The following MMADHC variants were observed in gnomAD, a reference collection of about 807,000 sequenced individuals.
MMADHC encodes cobalamin trafficking protein CblD.
MMADHC carries 23 observed loss-of-function variants against 36.3 expected under a neutral mutation model. That is an observed-to-expected ratio of 0.63 (90% CI 0.46 to 0.90). MMADHC has a LOEUF of 0.90. Ranked by LOEUF, MMADHC falls within the 40% of genes least tolerant of loss-of-function variation. The pLI is 0.00. For missense variants in MMADHC, 330 were observed against 348.0 expected (o/e 0.95, Z 0.41); for synonymous variants, 97 against 116.1 (o/e 0.84, Z 1.06).
At position 149,582,126 on chromosome 2, in the gene MMADHC, C is replaced by G. The variant is rs1385597423; in HGVS notation, c.154+1G>C. The G allele has an allele frequency of 6.2e-7, 1 of 1,613,758 alleles. No homozygotes were observed. Among genetic ancestry groups the G allele is most frequent in the South Asian group, 1.1e-5 (1 of 91,082 alleles). Reference sequence around the variant, plus strand: ...GTAAAGCAGTAACAACTTTCACTTACATATATCTGGAGGTGCAGCAGCCAC... The same window carrying G: ...GTAAAGCAGTAACAACTTTCACTTAGATATATCTGGAGGTGCAGCAGCCAC... On this transcript the variant is annotated splice_donor_variant, in intron 3 of 7. Transcript: ENST00000303319. LOFTEE classifies it high-confidence loss of function.
At chr2:149,576,318 C>T (rs1352738537) in intron 5 of MMADHC, 119 bp downstream of exon 5, 2 of 754,174 alleles carry the variant, frequency 2.7e-6, no homozygotes, top group Non-Finnish European at 4.7e-6. Flanking sequence ...CAATCATTTC[C>T]AGCCAGATAC....
chr2:149,582,235 G>A lies in MMADHC; in HGVS notation c.46C>T (p.Pro16Ser). ...CTTTTAACTAAAGAGCAAAATCCTG[G>A]GAGATAGGAAACCAGTCTGGCTCTG... The part of the protein sequence containing the change: ...CNRARLVSYL[P>S]GFCSLVKRVV... The change falls in exon 3 of 8, where the codon CCA becomes TCA. Residue 16 changes from proline (P) to serine (S), a missense_variant. Physicochemically the swap from Pro to Ser is moderately conservative, Grantham distance 74. Transcript: ENST00000303319. 6.2e-7 allele frequency: 1 copy of A among 1,613,742 alleles called. No individual in the cohort carries two copies. The highest frequency in any genetic ancestry group is 8.5e-7 in the Non-Finnish European group (1 of 1,179,828).
chr2:149,576,357 G>C lies in MMADHC; in HGVS notation c.478+80C>G, dbSNP rs78044101. On this transcript the variant is annotated intron_variant, in intron 5 of 7. Transcript: ENST00000303319. ...AAAATATAATATTAAGGTATACAGCGTTCCAATTTCTATAGAGTACATTAT... is the reference window on the plus strand; with the variant it reads ...AAAATATAATATTAAGGTATACAGCCTTCCAATTTCTATAGAGTACATTAT... 393 of 959,576 alleles carry C rather than the reference G, an allele frequency of 4.1e-4. 2 individuals are homozygous for C. The African/African-American group carries it at 5.8e-3, about 14-fold the overall frequency. 59.4% of individuals were successfully genotyped at this position (959,576 alleles called of 1,614,324 possible).
intron 2 of MMADHC, among the ~76,000 whole-genome samples, chr2:149,582,843 T>G (rs1343413982): frequency 6.6e-6 from 1 of 152,248 alleles, no homozygotes; most frequent in Non-Finnish European, 1.5e-5. Context: ...TTACAATGGA[T>G]GAATGTGTAA....
At chr2:149,584,164 G>A (rs1265804916) in intron 2 of MMADHC, among the ~76,000 whole-genome samples, 1 of 152,038 alleles carries the variant, frequency 6.6e-6, no homozygotes, top group Non-Finnish European at 1.5e-5. Context: ...TACAACTAAG[G>A]ATATTTAAGA....
chr2:149,569,871 AT>A lies in MMADHC; in HGVS notation c.*102del. 9.8e-7 allele frequency: 1 copy of A among 1,025,334 alleles called. No individual in the cohort carries two copies. 63.5% of individuals were successfully genotyped at this position (1,025,334 alleles called of 1,614,324 possible). On this transcript the variant is annotated 3_prime_UTR_variant, in exon 8 of 8. Coordinates refer to ENST00000303319, the MANE Select transcript of MMADHC (RefSeq NM_015702.3). ...TGTAAATTCATAAATGCTGAAATAAATACTTAGAAATAAATATATTTTAAAA... is the reference window on the plus strand; with the variant it reads ...TGTAAATTCATAAATGCTGAAATAAAACTTAGAAATAAATATATTTTAAAA...
chr2:149,575,821 C>G lies in MMADHC; in HGVS notation c.499G>C (p.Glu167Gln). The stretch of plus-strand genomic sequence containing the variant: ...ATCATTAGTTTGCCATTAGCTACTT[C>G]TGGAAACAGTGATTCAAAATCTACA... ...LRKDFESLFP[E>Q]VANGKLMILT... The change falls in exon 6 of 8, where the codon GAA (glutamate) becomes CAA (glutamine). Residue 167 changes from glutamate (E) to glutamine (Q), a missense_variant. By Grantham distance (29) the Glu-to-Gln change is conservative. Transcript: ENST00000303319. The G allele has an allele frequency of 6.2e-7, 1 of 1,602,946 alleles. No homozygotes were observed. The highest frequency in any genetic ancestry group is 8.5e-7 in the Non-Finnish European group (1 of 1,171,500).
chr2:149,580,318 A>C (rs1357586416), intron 3 of MMADHC, among the ~76,000 whole-genome samples: 2 of 152,138 alleles, frequency 1.3e-5, no homozygotes, highest in Non-Finnish European at 2.9e-5. Context: ...TCGTCTGGGG[A>C]GGGGCATTCT....
At chr2:149,587,203 A>G (rs765347367) in intron 1 of MMADHC, 54 bp from the exon 2 acceptor site, 4 of 1,093,622 alleles carry the variant, frequency 3.7e-6, no homozygotes, top group Non-Finnish European at 5.6e-6. Flanking sequence ...CTAACAACAG[A>G]CAACTGAGGT....
At position 149,575,845 on chromosome 2, in the gene MMADHC, C is replaced by A; in HGVS notation, c.479-4G>T. ...TCTGGAAACAGTGATTCAAAATCTA[C>A]AAATAAGAATAAACATTCCAGGTAG... On this transcript the variant is annotated splice_region_variant and splice_polypyrimidine_tract_variant and intron_variant, in intron 5 of 7. Transcript: ENST00000303319. 6.3e-7 allele frequency: 1 copy of A among 1,592,692 alleles called. No homozygotes were observed. The highest frequency in any genetic ancestry group is 1.1e-5 in the South Asian group (1 of 89,460).
At chr2:149,577,287 G>A (rs1682731503) in intron 4 of MMADHC, among the ~76,000 whole-genome samples, 1 of 152,148 alleles carries the variant, frequency 6.6e-6, no homozygotes, top group African/African-American at 2.4e-5. Flanking sequence ...AAAATAGCTG[G>A]TACAGAGGTT....
At position 149,579,527 on chromosome 2, in the gene MMADHC, TTTC is replaced by T. The variant is rs1682764778; in HGVS notation, c.273_275del (p.Lys92del). The stretch of plus-strand genomic sequence containing the variant: ...CAGGCAAAGTTTTATGAACCAGGCT[TTTC>T]TTCTGTGAAGCAGTCCCATTGAGGT... On this transcript the variant is annotated inframe_deletion, in exon 4 of 8. Coordinates refer to ENST00000303319, the MANE Select transcript of MMADHC (RefSeq NM_015702.3). 2.5e-6 allele frequency: 4 copies of T among 1,613,702 alleles called. No individual in the cohort carries two copies. The highest frequency in any genetic ancestry group is 2.7e-5 in the African/African-American group (2 of 75,028).
At chr2:149,582,428 T>A (rs1261763962) in intron 2 of MMADHC, among the ~76,000 whole-genome samples, 157 bp from the exon 3 acceptor site, 1 of 152,130 alleles carries the variant, frequency 6.6e-6, no homozygotes, top group Non-Finnish European at 1.5e-5. Context: ...TTATATATAT[T>A]TGTAATTTTA....
chr2:149,576,638 TTTG>T (rs1682723478), intron 4 of MMADHC, 96 bp from the exon 5 acceptor site: 6 of 859,674 alleles, frequency 7.0e-6, no homozygotes, highest in Non-Finnish European at 1.2e-5. Context: ...AAGCTTTTTG[TTTG>T]TTTTTACAAA....
intron 6 of MMADHC, among the ~76,000 whole-genome samples, chr2:149,572,857 T>C (rs181703542): frequency 5.3e-5 from 8 of 152,086 alleles, no homozygotes; most frequent in African/African-American, 1.9e-4. Flanking sequence ...ACTGACCAAC[T>C]CTGGTATTTC....
chr2:149,574,213 G>A (rs757546798), intron 6 of MMADHC, among the ~76,000 whole-genome samples: 30 of 152,052 alleles, frequency 2.0e-4, no homozygotes, highest in Non-Finnish European at 4.0e-4. Flanking sequence ...CAATATACAT[G>A]TGACAATATA....
At chr2:149,584,036 T>C (rs1682829420) in intron 2 of MMADHC, among the ~76,000 whole-genome samples, 1 of 152,208 alleles carries the variant, frequency 6.6e-6, no homozygotes, top group Admixed American at 6.5e-5. Flanking sequence ...AAATTTAGGC[T>C]GCCTCTCTTG....
Position 149,587,073 on chromosome 2 carries a change from G to A in MMADHC, c.9+16C>T, listed in dbSNP as rs774042094. 1.2e-6 allele frequency: 2 copies of A among 1,613,062 alleles called. No homozygotes were observed. Among genetic ancestry groups the A allele is most frequent in the East Asian group, 2.2e-5 (1 of 44,888 alleles). On this transcript the variant is annotated intron_variant, in intron 2 of 7. Coordinates refer to ENST00000303319, the MANE Select transcript of MMADHC (RefSeq NM_015702.3). Reference sequence around the variant, plus strand: ...ACGAGTTTACTATGCTGATTCTTAAGAGATAATTTACTCACATTGGCCATC... The same window carrying A: ...ACGAGTTTACTATGCTGATTCTTAAAAGATAATTTACTCACATTGGCCATC...
intron 5 of MMADHC, among the ~76,000 whole-genome samples, chr2:149,576,054 T>C (rs529594965): frequency 1.2e-4 from 18 of 152,156 alleles, no homozygotes; most frequent in Non-Finnish European, 1.9e-4. Flanking sequence ...ACTGAAATAT[T>C]ACTACCAACA....
Sources: allele counts gnomAD v4.1 joint callset (sites outside exome capture counted in the v4.1 genomes callset), GRCh38; gene constraint gnomAD v4.1.1; transcripts MANE v1.5; gene names NCBI Gene and HGNC (gene_info 2026-07-23, HGNC 2026-07-21).